NUAK1: variants seen among roughly 807,000 people sequenced by gnomAD.
NUAK1 encodes NUAK family SNF1-like kinase 1.
NUAK1 carries 26 observed loss-of-function variants against 56.9 expected under a neutral mutation model. The observed-to-expected ratio is 0.46, with a 90% CI of 0.33 to 0.63. The LOEUF is 0.63. Among genes scored for constraint, NUAK1 ranks in the 30% least tolerant of loss-of-function variants. The pLI, the probability that NUAK1 is intolerant of heterozygous loss-of-function variation, is 0.02. For missense variants in NUAK1, 727 were observed against 876.1 expected (o/e 0.83, Z 2.15); for synonymous variants, 337 against 336.0 (o/e 1.00, Z -0.03).
intron 2 of NUAK1, among the ~76,000 whole-genome samples, chr12:106,095,787 T>C (rs952588615): frequency 6.6e-6 from 1 of 152,106 alleles, no homozygotes; most frequent in Non-Finnish European, 1.5e-5. Context: ...CATCAGAGGA[T>C]TTGAGTGACC....
intron 4 of NUAK1, among the ~76,000 whole-genome samples, chr12:106,076,355 A>C (rs2032464830): frequency 6.6e-6 from 1 of 152,186 alleles, no homozygotes; most frequent in Non-Finnish European, 1.5e-5. Flanking sequence ...CTGCAAATGG[A>C]GAGGATGACT....
At chr12:106,110,304 T>C (rs1592858387) in intron 1 of NUAK1, among the ~76,000 whole-genome samples, 1 of 152,342 alleles carries the variant, frequency 6.6e-6, no homozygotes, top group East Asian at 1.9e-4. Context: ...CATCCACTTG[T>C]TCTTTTTGAA....
At chr12:106,078,482 G>C (rs1035070756) in intron 4 of NUAK1, among the ~76,000 whole-genome samples, 1 of 152,204 alleles carries the variant, frequency 6.6e-6, no homozygotes, top group African/African-American at 2.4e-5. Context: ...GCTGTCAGGT[G>C]GCTGACGAGG....
intron 6 of NUAK1, among the ~76,000 whole-genome samples, chr12:106,069,339 G>A (rs983022340): frequency 6.6e-6 from 1 of 152,116 alleles, no homozygotes; most frequent in Non-Finnish European, 1.5e-5. Context: ...TATACAAATT[G>A]TCCTTTTCTC....
chr12:106,069,416 C>T (rs527949303), intron 6 of NUAK1, among the ~76,000 whole-genome samples: 1 of 152,222 alleles, frequency 6.6e-6, no homozygotes, highest in South Asian at 2.1e-4. Flanking sequence ...TTTTTAAATG[C>T]CTCCCTAAAA....
In NUAK1 at chr12:106,066,532, C is replaced by T. The variant is rs2032340647; in HGVS notation, c.*270G>A. ...ACCCACTGAGTGCCGGTCAATACCACCTCCCCTGGACAGCTGGTCCTCTAG... is the reference window on the plus strand; with the variant it reads ...ACCCACTGAGTGCCGGTCAATACCATCTCCCCTGGACAGCTGGTCCTCTAG... On this transcript the variant is annotated 3_prime_UTR_variant, in exon 7 of 7. Coordinates refer to ENST00000261402, the MANE Select transcript of NUAK1 (RefSeq NM_014840.3). 2.1e-6 allele frequency: 1 copy of T among 487,306 alleles called. No homozygotes were observed. The highest frequency in any genetic ancestry group is 3.4e-5 in the Admixed American group (1 of 28,996). The allele number at this position is 487,306 out of a possible 1,614,324, so 30.2% of individuals were successfully genotyped here. A position where few individuals can be genotyped will look rare whatever the true frequency, so the allele number is the denominator to read the frequency against.
chr12:106,094,629 G>T (rs1251898694), intron 2 of NUAK1, among the ~76,000 whole-genome samples: 2 of 152,170 alleles, frequency 1.3e-5, no homozygotes, highest in Non-Finnish European at 2.9e-5. Flanking sequence ...CACAACAAAA[G>T]ACTTTTTTGT....
At chr12:106,117,798 T>A (rs1044441058) in intron 1 of NUAK1, among the ~76,000 whole-genome samples, 1 of 152,228 alleles carries the variant, frequency 6.6e-6, no homozygotes, top group Admixed American at 6.5e-5. Context: ...TGACAGTCAG[T>A]ATATAGCCTA....
intron 4 of NUAK1, among the ~76,000 whole-genome samples, chr12:106,077,094 T>C (rs1045505850): frequency 6.6e-6 from 1 of 152,232 alleles, no homozygotes; most frequent in Non-Finnish European, 1.5e-5. Flanking sequence ...CTTGCTGACA[T>C]TAACTGATAG....
chr12:106,069,667 A>C (rs557771006), intron 6 of NUAK1, among the ~76,000 whole-genome samples: 2 of 152,326 alleles, frequency 1.3e-5, no homozygotes, highest in East Asian at 3.9e-4. Context: ...GGCTCTCAGG[A>C]ACCTAACCCT....
At chr12:106,109,915 C>T (rs946096775) in intron 1 of NUAK1, among the ~76,000 whole-genome samples, 1 of 152,160 alleles carries the variant, frequency 6.6e-6, no homozygotes, top group Admixed American at 6.5e-5. Context: ...ACCTTCCCTT[C>T]TTCCTTTCTT....
Position 106,067,311 on chromosome 12 carries a change from T to C in NUAK1, c.1477A>G (p.Ser493Gly). 5.0e-6 allele frequency: 8 copies of C among 1,614,168 alleles called. No individual in the cohort carries two copies. The highest frequency in any genetic ancestry group is 6.8e-6 in the Non-Finnish European group (8 of 1,180,016). Residue 493 changes from serine (S) to glycine (G), a missense_variant, in exon 7 of 7, where the codon AGT becomes GGT. By Grantham distance (56) the Ser-to-Gly change is moderately conservative. Transcript: ENST00000261402. The surrounding 1 kb of genome is among the most constrained non-coding windows in gnomAD (Gnocchi z 6.0). ...ATGCTGCTGCCCATCACATCATTAC[T>C]GTCCAACAGCTCCGAAGACTCACTG... Reference protein sequence around the residue: ...ERSESSELLDSNDVMGSSIPS... With the variant: ...ERSESSELLDGNDVMGSSIPS...
intron 2 of NUAK1, chr12:106,103,383 A>G (rs2032767900): frequency 6.6e-6 from 1 of 151,522 alleles, no homozygotes; most frequent in Non-Finnish European, 1.5e-5. Context: ...CTACAGGTCA[A>G]TCCTTCACCA....
intron 1 of NUAK1, among the ~76,000 whole-genome samples, chr12:106,128,628 G>A (rs2033047465): frequency 6.6e-6 from 1 of 152,196 alleles, no homozygotes; most frequent in African/African-American, 2.4e-5. Context: ...GCCTGACACA[G>A]ACAAAAGTGA....
chr12:106,079,484 G>C (rs763201781), intron 4 of NUAK1, among the ~76,000 whole-genome samples: 14 of 152,146 alleles, frequency 9.2e-5, no homozygotes, highest in Non-Finnish European at 1.8e-4. Flanking sequence ...ATCAGGGAAG[G>C]CTTCCTGGAA....
chr12:106,111,356 C>T (rs1342374607), intron 1 of NUAK1, among the ~76,000 whole-genome samples: 2 of 152,274 alleles, frequency 1.3e-5, no homozygotes, highest in East Asian at 3.9e-4. Context: ...AATTAATATC[C>T]GGCCAGCCCC....
rs1376413477 is a variant in NUAK1, at chr12:106,067,728, T to C, written c.1060A>G (p.Lys354Glu). Residue 354 changes from lysine (K) to glutamate (E), a missense_variant, in exon 7 of 7, where the codon AAA (lysine) becomes GAA (glutamate). Lys to Glu is a moderately conservative substitution (Grantham distance 56). Transcript: ENST00000261402. This position sits in a 1 kb window ranked among gnomAD's most constrained non-coding sequence, Gnocchi z 6.0. ...AGCATGACCTCAGAGGTCGTGGGTTTGGCCAGGCCCTTCATTTTGGCTTCG... is the reference window on the plus strand; with the variant it reads ...AGCATGACCTCAGAGGTCGTGGGTTCGGCCAGGCCCTTCATTTTGGCTTCG... ...DTEAKMKGLA[K>E]PTTSEVMLER... 1 of 1,614,214 alleles carries C rather than the reference T, an allele frequency of 6.2e-7. No individual in the cohort carries two copies. Among genetic ancestry groups the C allele is most frequent in the South Asian group, 1.1e-5 (1 of 91,088 alleles).
intron 2 of NUAK1, among the ~76,000 whole-genome samples, chr12:106,096,476 G>A (rs1004087665): frequency 2.0e-5 from 3 of 152,202 alleles, no homozygotes; most frequent in African/African-American, 4.8e-5. Flanking sequence ...GCTGTGTTAC[G>A]AATAAGGGCG....
chr12:106,073,823 A>G (rs1431251791), intron 4 of NUAK1, among the ~76,000 whole-genome samples: 1 of 152,108 alleles, frequency 6.6e-6, no homozygotes, highest in Non-Finnish European at 1.5e-5. Context: ...ATCTCAAAAA[A>G]AAAAATAAGA....
Sources: gnomAD v4.1 joint callset for allele counts (sites outside exome capture counted in the v4.1 genomes callset) on GRCh38, gnomAD v4.1.1 for gene constraint, Gnocchi (gnomAD v3.1) non-coding constraint, MANE v1.5 for transcripts, NCBI Gene and HGNC (gene_info 2026-07-23, HGNC 2026-07-21) for gene names.